CCSER1: variants seen among roughly 807,000 people sequenced by gnomAD.
The protein encoded by CCSER1 is coiled-coil serine rich protein 1, also known as serine-rich coiled-coil domain-containing protein 1.
In CCSER1, 41 loss-of-function variants were observed where a neutral mutation model predicts 82.0. The ratio of observed to expected loss-of-function variants is 0.50; its 90% CI spans 0.39 to 0.65. The LOEUF is 0.65. CCSER1 is among the 30% of genes least tolerant of loss of function. The probability of loss-of-function intolerance (pLI) is 0.00; values close to 1 mark genes in which losing one functional copy is unlikely to be tolerated. For synonymous variants in CCSER1, 414 were observed against 383.9 expected, an observed-to-expected ratio of 1.08 and a Z score of -0.92; for missense variants, 1,119 against 1,064.2, an observed-to-expected ratio of 1.05 and a Z score of -0.72.
intron 9 of CCSER1, among the ~76,000 whole-genome samples, chr4:90,930,939 T>TACACAC (rs1554045605): frequency 7.4e-6 from 1 of 135,086 alleles, no homozygotes; most frequent in Non-Finnish European, 1.6e-5. Context: ...TATATATATA[T>TACACAC]ACACATGACA....
intron 10 of CCSER1, among the ~76,000 whole-genome samples, chr4:91,102,245 A>T (rs2148852814): frequency 6.6e-6 from 1 of 152,260 alleles, no homozygotes; most frequent in South Asian, 2.1e-4. Context: ...AGTTTCTGTA[A>T]GTCTCTAAAT....
At chr4:90,922,289 G>A (rs1467336472) in intron 8 of CCSER1, among the ~76,000 whole-genome samples, 1 of 151,966 alleles carries the variant, frequency 6.6e-6, no homozygotes, top group Non-Finnish European at 1.5e-5. Context: ...GGAATAGGGA[G>A]GGAGGGGAAA....
chr4:90,855,824 G>C (rs544646865), intron 8 of CCSER1, among the ~76,000 whole-genome samples: 1 of 152,190 alleles, frequency 6.6e-6, no homozygotes, highest in Admixed American at 6.5e-5. Flanking sequence ...TAAGTAGTTA[G>C]AGTTTAGCAT....
At position 90,879,606 on chromosome 4, in the gene CCSER1, AGAGGAGGAG is replaced by A. The variant is rs140789649; in HGVS notation, c.2095-43749_2095-43741del. 2.3e-4 allele frequency among the ~76,000 whole-genome samples: 33 copies of A among 144,362 alleles called. No homozygotes were observed. The South Asian group carries it at 6.3e-3, about 27-fold the overall frequency. 94.7% of individuals were successfully genotyped at this position (144,362 alleles called of 152,430 possible). On this transcript the variant is annotated intron_variant, in intron 8 of 10. Coordinates refer to ENST00000509176, the MANE Select transcript of CCSER1 (RefSeq NM_001145065.2). ...AAGAGGAGGAGGAGGAGGAGGAAGA[AGAGGAGGAG>A]GAGGAGGAGGAGGAAAGAAGAAAGA...
At chr4:91,026,220 A>G (rs957424257) in intron 9 of CCSER1, among the ~76,000 whole-genome samples, 1 of 152,110 alleles carries the variant, frequency 6.6e-6, no homozygotes, top group African/African-American at 2.4e-5. Flanking sequence ...AGACATATAA[A>G]TTATAGATGA....
chr4:90,370,210 C>A (rs962248338), intron 3 of CCSER1: 28 of 152,222 alleles, frequency 1.8e-4, no homozygotes, highest in African/African-American at 6.7e-4. Context: ...GGGCACCTGC[C>A]TCTTACTTCA....
At chr4:90,288,841 A>G (rs1242885205) in intron 1 of CCSER1, among the ~76,000 whole-genome samples, 2 of 151,972 alleles carry the variant, frequency 1.3e-5, no homozygotes, top group African/African-American at 4.8e-5. Flanking sequence ...AAGCAAATTT[A>G]TGAATTCAGA....
chr4:91,179,525 T>A (rs1733780443), intron 10 of CCSER1, among the ~76,000 whole-genome samples: 1 of 152,236 alleles, frequency 6.6e-6, no homozygotes, highest in African/African-American at 2.4e-5. Context: ...TTCTCTAAAC[T>A]TCTCCTCTCG....
chr4:90,757,797 G>GT (rs5860203), intron 7 of CCSER1, among the ~76,000 whole-genome samples: 2 of 151,894 alleles, frequency 1.3e-5, no homozygotes, highest in Non-Finnish European at 2.9e-5. Context: ...AGACTGTGGA[G>GT]TTTTTTTCTT....
intron 1 of CCSER1, among the ~76,000 whole-genome samples, chr4:90,262,343 T>G (rs1449775883): frequency 1.3e-5 from 2 of 152,198 alleles, no homozygotes; most frequent in Admixed American, 1.3e-4. Flanking sequence ...GAAGACTGTA[T>G]GAGTTCGTTT....
intron 8 of CCSER1, among the ~76,000 whole-genome samples, chr4:90,847,448 G>T (rs933682687): frequency 8.5e-5 from 13 of 152,100 alleles, no homozygotes; most frequent in Non-Finnish European, 1.9e-4. Flanking sequence ...TCTTTCTGAA[G>T]ATTTCCTCTA....
chr4:91,236,771 T>C (rs1160608662), intron 10 of CCSER1, among the ~76,000 whole-genome samples: 2 of 152,170 alleles, frequency 1.3e-5, no homozygotes, highest in Admixed American at 6.5e-5. Context: ...AAAACTGATA[T>C]AGAAGTTCAA....
At position 91,071,089 on chromosome 4, in the gene CCSER1, A is replaced by G. The variant is rs185834659; in HGVS notation, c.2173-14861A>G. Among the ~76,000 whole-genome samples, 120 of 152,362 alleles carry G rather than the reference A, an allele frequency of 7.9e-4. 4 individuals are homozygous for G. The highest frequency in any genetic ancestry group is 7.5e-3 in the Admixed American group (115 of 15,296). ...TAGTACAAATTTGGTAAAACTATTT[A>G]GATACATGGATGCTTAGAAAAGTAA... On this transcript the variant is annotated intron_variant, in intron 9 of 10. Transcript: ENST00000509176.
intron 1 of CCSER1, among the ~76,000 whole-genome samples, chr4:90,177,767 C>T (rs181432804): frequency 2.0e-5 from 3 of 152,160 alleles, no homozygotes; most frequent in East Asian, 1.9e-4. Flanking sequence ...ATGCCTAAAC[C>T]ATTTAAGCAG....
chr4:91,360,450 TG>T (rs1450899039), intron 10 of CCSER1, among the ~76,000 whole-genome samples: 3 of 151,890 alleles, frequency 2.0e-5, no homozygotes, highest in Non-Finnish European at 4.4e-5. Flanking sequence ...TCCATACAAC[TG>T]TACAAGAAAA....
chr4:91,538,291 T>C (rs1472309027), intron 10 of CCSER1, among the ~76,000 whole-genome samples: 1 of 152,040 alleles, frequency 6.6e-6, no homozygotes, highest in African/African-American at 2.4e-5. Context: ...AAAGCAAATG[T>C]TCTTCTCAGC....
At chr4:90,258,221 T>TA (rs1160796886) in intron 1 of CCSER1, among the ~76,000 whole-genome samples, 2 of 152,136 alleles carry the variant, frequency 1.3e-5, no homozygotes, top group African/African-American at 2.4e-5. Context: ...TTTACTCATT[T>TA]AAAAAAATAT....
chr4:91,029,573 T>C (rs1194294680), intron 9 of CCSER1, among the ~76,000 whole-genome samples: 2 of 152,038 alleles, frequency 1.3e-5, no homozygotes, highest in African/African-American at 4.8e-5. Context: ...GCCTAAGTCT[T>C]GTCATGATTT....
chr4:90,847,894 G>C (rs1281231751), intron 8 of CCSER1, among the ~76,000 whole-genome samples: 1 of 151,810 alleles, frequency 6.6e-6, no homozygotes, highest in East Asian at 1.9e-4. Context: ...TTTTTCTCTT[G>C]TTCTTTTTAC....
Sources: gnomAD v4.1 joint callset for allele counts (sites outside exome capture counted in the v4.1 genomes callset) on GRCh38, gnomAD v4.1.1 for gene constraint, MANE v1.5 for transcripts, NCBI Gene and HGNC (gene_info 2026-07-23, HGNC 2026-07-21) for gene names.